Variants in TRIM44 observed in about 807,000 individuals in gnomAD.
TRIM44 encodes tripartite motif containing 44.
Under a neutral mutation model 37.4 loss-of-function variants are expected in TRIM44, and 13 were observed. The ratio of observed to expected loss-of-function variants is 0.35; its 90% CI spans 0.23 to 0.55. The LOEUF (loss-of-function observed/expected upper bound fraction) is 0.55. TRIM44 is among the 20% of genes least tolerant of loss of function. TRIM44 has a pLI of 0.89. For missense variants in TRIM44, 426 were observed against 437.2 expected (o/e 0.97, Z 0.23); for synonymous variants, 175 against 157.2 (o/e 1.11, Z -0.85).
intron 2 of TRIM44, among the ~76,000 whole-genome samples, chr11:35,715,381 A>G (rs1158436233): frequency 6.6e-6 from 1 of 150,500 alleles, no homozygotes; most frequent in Non-Finnish European, 1.5e-5. Flanking sequence ...CATGGTCCTG[A>G]GCCTATATTA....
rs896271116 is a variant in TRIM44 at position 35,662,903 on chromosome 11, G to C, written c.-209G>C. The C allele has an allele frequency of 2.5e-6, 2 of 795,858 alleles. No homozygotes were observed. Among genetic ancestry groups the C allele is most frequent in the African/African-American group, 3.6e-5 (2 of 54,864 alleles). The allele number at this position is 795,858 out of a possible 1,614,324, so 49.3% of individuals were successfully genotyped here. On this transcript the variant is annotated 5_prime_UTR_variant, in exon 1 of 5. Coordinates refer to ENST00000299413, the MANE Select transcript of TRIM44 (RefSeq NM_017583.6). ...GCAGAGGAAGCGCAGGGACAGAGCG[G>C]AGCAGGCCGAGCCGGCGGAAAGGGT...
At position 35,781,245 on chromosome 11, in the gene TRIM44, C is replaced by CT. The variant is rs200212103; in HGVS notation, c.1008-25104dup. On this transcript the variant is annotated intron_variant, in intron 4 of 4. Coordinates refer to ENST00000299413, the MANE Select transcript of TRIM44 (RefSeq NM_017583.6). ...CCATCAGACCACTTCACGTTTTAGC[C>CT]TTTTTTTTTAATGTAATGTGCATAA... Among the ~76,000 whole-genome samples, 385 of 150,672 alleles carry CT rather than the reference C, an allele frequency of 2.6e-3. 2 individuals are homozygous for CT. Among genetic ancestry groups the CT allele is most frequent in the African/African-American group, 8.1e-3 (331 of 41,102 alleles).
Position 35,663,152 on chromosome 11 carries a change from A to T in TRIM44, c.41A>T (p.His14Leu), listed in dbSNP as rs1195668467. ...GGCGCGGCCTTCGAGGAACTGCCTC[A>T]CGACGGCACGTGTGACGAGTGCGAG... is the stretch of plus-strand genomic sequence containing the variant. Reference protein sequence around the residue: ...GVGAAFEELPHDGTCDECEPD... With the variant: ...GVGAAFEELPLDGTCDECEPD... The change falls in exon 1 of 5, where the codon CAC becomes CTC. Residue 14 changes from histidine (H) to leucine (L), a missense_variant. By Grantham distance (99) the His-to-Leu change is moderately conservative. Coordinates refer to ENST00000299413, the MANE Select transcript of TRIM44 (RefSeq NM_017583.6). The T allele has an allele frequency of 6.5e-7, 1 of 1,548,602 alleles. No individual in the cohort carries two copies.
At chr11:35,793,001 C>G (rs1853234126) in intron 4 of TRIM44, among the ~76,000 whole-genome samples, 1 of 151,954 alleles carries the variant, frequency 6.6e-6, no homozygotes, top group African/African-American at 2.4e-5. Flanking sequence ...AATATCTGAC[C>G]CAACGAGATT....
rs1225650642 is a variant in TRIM44 at position 35,816,877 on chromosome 11, C to T, written c.*10492C>T. The stretch of plus-strand genomic sequence containing the variant: ...CTGTTAGAGATTCAGTAGATGGAGC[C>T]ACCTTCATGTTGCCCCTCACTGAGC... On this transcript the variant is annotated 3_prime_UTR_variant, in exon 5 of 5. Coordinates refer to ENST00000299413, the MANE Select transcript of TRIM44 (RefSeq NM_017583.6). 6.6e-6 allele frequency: 1 copy of T among 152,280 alleles called. No homozygotes were observed. The highest frequency in any genetic ancestry group is 2.4e-5 in the African/African-American group (1 of 41,430). 9.4% of individuals were successfully genotyped at this position (152,280 alleles called of 1,614,324 possible).
chr11:35,758,826 C>T (rs1338213639), intron 4 of TRIM44, among the ~76,000 whole-genome samples: 1 of 152,204 alleles, frequency 6.6e-6, no homozygotes, highest in Non-Finnish European at 1.5e-5. Context: ...TGAGTATTGG[C>T]CCCCACTCTC....
At chr11:35,773,542 T>TAC (rs1360708404) in intron 4 of TRIM44, among the ~76,000 whole-genome samples, 1 of 152,202 alleles carries the variant, frequency 6.6e-6, no homozygotes, top group Non-Finnish European at 1.5e-5. Context: ...TACATATATA[T>TAC]ACATGTGCCA....
rs767113765 is a variant in TRIM44, at chr11:35,726,137, A to C, written c.961A>C (p.Asn321His). The change falls in exon 3 of 5, where the codon AAT (asparagine) becomes CAT (histidine). Residue 321 changes from asparagine (N) to histidine (H), a missense_variant. Physicochemically the swap from Asn to His is moderately conservative, Grantham distance 68. Around this residue, in one of 2 missense-constraint regions of TRIM44, gnomAD observed 95 missense variants for 134.2 expected, o/e 0.71. Coordinates refer to ENST00000299413, the MANE Select transcript of TRIM44 (RefSeq NM_017583.6). ...AQAKEQLDTS[N>H]ESAEPKAEGD... is the part of the protein sequence containing the mutation. ...AGCCAAGGAACAACTTGATACCTCTAATGAATCAGCTGAGCCAAAGGCAGA... is the reference window on the plus strand; with the variant it reads ...AGCCAAGGAACAACTTGATACCTCTCATGAATCAGCTGAGCCAAAGGCAGA... 3.5e-5 allele frequency: 57 copies of C among 1,614,030 alleles called. No individual in the cohort carries two copies. Among genetic ancestry groups the C allele is most frequent in the Non-Finnish European group, 4.6e-5 (54 of 1,180,010 alleles).
intron 4 of TRIM44, among the ~76,000 whole-genome samples, chr11:35,744,902 A>G (rs1392749420): frequency 6.6e-6 from 1 of 152,128 alleles, no homozygotes; most frequent in African/African-American, 2.4e-5. Flanking sequence ...ACATGATCTC[A>G]TTCCTTTCTG....
rs151073917 is a variant in TRIM44, at chr11:35,769,074, G to A, written c.1007+33629G>A. Among the ~76,000 whole-genome samples, 264 of 152,224 alleles carry A rather than the reference G, an allele frequency of 1.7e-3. 1 individual carries two copies. The highest frequency in any genetic ancestry group is 6.0e-3 in the African/African-American group (250 of 41,546). ...TCCATGACAATAACCAGCTGGAACC[G>A]GGTTGTTACTTAGATGAACCACGTG... On this transcript the variant is annotated intron_variant, in intron 4 of 4. Transcript: ENST00000299413.
rs1337371968 is a variant in TRIM44 at position 35,808,974 on chromosome 11, C to G, written c.*2589C>G. ...CAGGTGGCAGGGTTTGCTGAAACCC[C>G]TAAAGAGAAGTCACCAAGGGAGGCA... On this transcript the variant is annotated 3_prime_UTR_variant, in exon 5 of 5. Coordinates refer to ENST00000299413, the MANE Select transcript of TRIM44 (RefSeq NM_017583.6). 6.6e-6 allele frequency: 1 copy of G among 152,150 alleles called. No individual in the cohort carries two copies. Among genetic ancestry groups the G allele is most frequent in the Non-Finnish European group, 1.5e-5 (1 of 68,026 alleles). The allele number at this position is 152,150 out of a possible 1,614,324, so 9.4% of individuals were successfully genotyped here.
intron 2 of TRIM44, among the ~76,000 whole-genome samples, chr11:35,689,392 C>T (rs540846509): frequency 5.9e-5 from 9 of 152,194 alleles, no homozygotes; most frequent in Non-Finnish European, 1.2e-4. Flanking sequence ...CTAGAACCCT[C>T]TATATCGTGG....
intron 4 of TRIM44, among the ~76,000 whole-genome samples, chr11:35,768,470 C>A (rs139414936): frequency 6.6e-6 from 1 of 152,158 alleles, no homozygotes; most frequent in East Asian, 1.9e-4. Context: ...ATATGCCTCA[C>A]GGCTACCAGA....
chr11:35,686,134 C>CT lies in TRIM44; in HGVS notation c.747+809dup, dbSNP rs1193060876. Among the ~76,000 whole-genome samples the CT allele has an allele frequency of 8.8e-3, 1,278 of 145,552 alleles. 15 individuals are homozygous for CT. Among genetic ancestry groups the CT allele is most frequent in the African/African-American group, 0.029 (1,151 of 39,986 alleles). On this transcript the variant is annotated intron_variant, in intron 2 of 4. Coordinates refer to ENST00000299413, the MANE Select transcript of TRIM44 (RefSeq NM_017583.6). ...TTGGAAACTGGTTTAAGTGTCCCGGCTTTTTTTTTTTATTTCAATATGTTA... is the reference window on the plus strand; with the variant it reads ...TTGGAAACTGGTTTAAGTGTCCCGGCTTTTTTTTTTTTATTTCAATATGTTA...
chr11:35,786,107 T>C (rs1427052337), intron 4 of TRIM44, among the ~76,000 whole-genome samples: 1 of 152,212 alleles, frequency 6.6e-6, no homozygotes, highest in East Asian at 1.9e-4. Context: ...TTTCCAAAAC[T>C]TTTAATTTGA....
At chr11:35,733,351 T>G (rs1197407098) in intron 3 of TRIM44, among the ~76,000 whole-genome samples, 1 of 152,224 alleles carries the variant, frequency 6.6e-6, no homozygotes, top group African/African-American at 2.4e-5. Context: ...ATTTTTTCCA[T>G]AAAGTTATCT....
rs1303082536 is a variant in TRIM44, at chr11:35,778,095, A to G, written c.1008-28263A>G. 2.6e-5 allele frequency among the ~76,000 whole-genome samples: 4 copies of G among 152,194 alleles called. No individual in the cohort carries two copies. In the East Asian group the frequency reaches 5.8e-4, roughly 22 times the overall value. ...CTCCCCATCACTTTGAGGTACACCA[A>G]TCAGATGTAGATTTGGTCTTTTCAC... On this transcript the variant is annotated intron_variant, in intron 4 of 4. Coordinates refer to ENST00000299413, the MANE Select transcript of TRIM44 (RefSeq NM_017583.6).
chr11:35,663,408 TGAGTCGGAGGAAGAGAGC>T lies in TRIM44; in HGVS notation c.303_320del (p.Ser107_Glu112del), dbSNP rs753156165. On this transcript the variant is annotated inframe_deletion, in exon 1 of 5. Coordinates refer to ENST00000299413, the MANE Select transcript of TRIM44 (RefSeq NM_017583.6). Reference sequence around the variant, plus strand: ...TAGAAAGCGAGGCAGGGGAAGAGAGTGAGTCGGAGGAAGAGAGCGAGTCAGAGGAAGAGAGCGAGACAG... The same window carrying T: ...TAGAAAGCGAGGCAGGGGAAGAGAGTGAGTCAGAGGAAGAGAGCGAGACAG... 3.8e-6 allele frequency: 6 copies of T among 1,584,800 alleles called. No individual in the cohort carries two copies. Among genetic ancestry groups the T allele is most frequent in the African/African-American group, 1.4e-5 (1 of 72,760 alleles).
intron 3 of TRIM44, among the ~76,000 whole-genome samples, chr11:35,733,252 A>G (rs1852286202): frequency 6.6e-6 from 1 of 152,184 alleles, no homozygotes; most frequent in Admixed American, 6.5e-5. Context: ...TTTTTATATT[A>G]TAACTGAGAA....
Sources: gnomAD v4.1 joint callset for allele counts (sites outside exome capture counted in the v4.1 genomes callset) on GRCh38, gnomAD v4.1.1 for gene constraint, gnomAD v4.1.1 regional missense constraint, MANE v1.5 for transcripts, NCBI Gene and HGNC (gene_info 2026-07-23, HGNC 2026-07-21) for gene names.